The following FOXN3 variants were observed in gnomAD, a reference collection of about 807,000 sequenced individuals.
FOXN3 encodes the protein forkhead box N3.
Under a neutral mutation model 38.4 loss-of-function variants are expected in FOXN3, and 7 were observed. The ratio of observed to expected loss-of-function variants is 0.18; its 90% CI spans 0.10 to 0.34. FOXN3 has a LOEUF of 0.34. Among genes scored for constraint, FOXN3 ranks in the 10% least tolerant of loss-of-function variants. FOXN3 has a pLI of 1.00. For missense variants in FOXN3, 456 were observed against 613.4 expected (o/e 0.74, Z 2.71); for synonymous variants, 230 against 242.2 (o/e 0.95, Z 0.47).
At chr14:89,360,646 A>C (rs2140026754) in intron 2 of FOXN3, among the ~76,000 whole-genome samples, 1 of 151,682 alleles carries the variant, frequency 6.6e-6, no homozygotes, top group South Asian at 2.1e-4. Context: ...GCAAGAGCTG[A>C]TACCCTCACA....
At chr14:89,205,471 T>G (rs1255906546) in intron 4 of FOXN3, among the ~76,000 whole-genome samples, 1 of 152,238 alleles carries the variant, frequency 6.6e-6, no homozygotes, top group Non-Finnish European at 1.5e-5. Context: ...ACTCCCATCG[T>G]GTGCCCACAA....
chr14:89,203,186 A>T (rs1459166206), intron 4 of FOXN3, among the ~76,000 whole-genome samples: 1 of 152,106 alleles, frequency 6.6e-6, no homozygotes, highest in East Asian at 1.9e-4. Flanking sequence ...CCCCAGCAAT[A>T]GGTACTCCAG....
At chr14:89,257,229 C>T (rs1885651986) in intron 4 of FOXN3, among the ~76,000 whole-genome samples, 1 of 152,158 alleles carries the variant, frequency 6.6e-6, no homozygotes, top group Admixed American at 6.5e-5. Flanking sequence ...CCATGAGGCC[C>T]ATGGTGTTTG....
chr14:89,599,703 C>T (rs1473071827), intron 1 of FOXN3, among the ~76,000 whole-genome samples: 1 of 152,070 alleles, frequency 6.6e-6, no homozygotes, highest in Non-Finnish European at 1.5e-5. Flanking sequence ...AATTTTTATT[C>T]TGGCTTCAGG....
intron 2 of FOXN3, among the ~76,000 whole-genome samples, chr14:89,396,557 G>A (rs1159155374): frequency 6.6e-6 from 1 of 152,212 alleles, no homozygotes; most frequent in African/African-American, 2.4e-5. Context: ...ACTGCTGGCT[G>A]GGCACGGTGG....
chr14:89,374,693 C>T (rs1311231941), intron 2 of FOXN3, among the ~76,000 whole-genome samples: 2 of 152,040 alleles, frequency 1.3e-5, no homozygotes, highest in Non-Finnish European at 1.5e-5. Flanking sequence ...CTATTCTTGC[C>T]GGGCGTGGTG....
At chr14:89,209,656 A>G (rs559536821) in intron 4 of FOXN3, among the ~76,000 whole-genome samples, 18 of 152,366 alleles carry the variant, frequency 1.2e-4, no homozygotes, top group Non-Finnish European at 2.4e-4. Context: ...TTTATTCAGA[A>G]AAGCAAAACT....
At chr14:89,558,048 AATAC>A (rs1175146625) in intron 1 of FOXN3, among the ~76,000 whole-genome samples, 1 of 152,204 alleles carries the variant, frequency 6.6e-6, no homozygotes, top group Non-Finnish European at 1.5e-5. Context: ...GTACTAAGCC[AATAC>A]ATAAGGCAAA....
intron 3 of FOXN3, chr14:89,291,242 G>C (rs894798105): frequency 3.9e-5 from 17 of 433,206 alleles, no homozygotes; most frequent in African/African-American, 3.3e-4. Context: ...TACTCCCTCG[G>C]TTTCTCTCTT....
chr14:89,431,072 T>C (rs1892144923), intron 1 of FOXN3, among the ~76,000 whole-genome samples: 1 of 152,256 alleles, frequency 6.6e-6, no homozygotes, highest in African/African-American at 2.4e-5. Context: ...TTCCGTTGTC[T>C]GAAATGCAAA....
intron 1 of FOXN3, among the ~76,000 whole-genome samples, chr14:89,574,399 C>T (rs920218590): frequency 3.9e-5 from 6 of 152,156 alleles, no homozygotes; most frequent in Admixed American, 6.5e-5. Flanking sequence ...TCTTCTCTGG[C>T]GAGGTGGTGA....
chr14:89,527,950 T>C (rs11850379), intron 1 of FOXN3, among the ~76,000 whole-genome samples: 19,980 of 152,054 alleles, frequency 0.13, 1,501 homozygotes, highest in African/African-American at 0.21. Flanking sequence ...GATCCACCTG[T>C]CTAGGCCTCC....
intron 4 of FOXN3, among the ~76,000 whole-genome samples, chr14:89,258,066 T>TAC (rs137929543): frequency 3.7e-4 from 56 of 150,844 alleles, no homozygotes; most frequent in African/African-American, 4.4e-4. Context: ...TCCTTGAGTG[T>TAC]ACACACACAC....
chr14:89,533,439 G>A (rs1596309769), intron 1 of FOXN3, among the ~76,000 whole-genome samples: 1 of 152,096 alleles, frequency 6.6e-6, no homozygotes. Flanking sequence ...CCAGGCGGGC[G>A]GATCACGAAG....
At chr14:89,178,679 T>G (rs1887588327) in intron 5 of FOXN3, among the ~76,000 whole-genome samples, 1 of 152,188 alleles carries the variant, frequency 6.6e-6, no homozygotes, top group Non-Finnish European at 1.5e-5. Flanking sequence ...CATCGGTAGT[T>G]GAAATAACAC....
chr14:89,595,154 A>C (rs1896032479), intron 1 of FOXN3, among the ~76,000 whole-genome samples: 1 of 149,704 alleles, frequency 6.7e-6, no homozygotes, highest in Non-Finnish European at 1.5e-5. Context: ...GTCTCTACTA[A>C]AAATACAAAA....
chr14:89,240,995 T>C (rs1885125038), intron 4 of FOXN3, among the ~76,000 whole-genome samples: 1 of 152,152 alleles, frequency 6.6e-6, no homozygotes, highest in African/African-American at 2.4e-5. Flanking sequence ...CCCACAATAA[T>C]CACTCTTGGA....
At chr14:89,534,568 G>A (rs1022826016) in intron 1 of FOXN3, among the ~76,000 whole-genome samples, 3 of 152,064 alleles carry the variant, frequency 2.0e-5, no homozygotes, top group Non-Finnish European at 4.4e-5. Context: ...AAGTCCCTAC[G>A]GCAAACTGCC....
intron 1 of FOXN3, among the ~76,000 whole-genome samples, chr14:89,432,469 A>G (rs1214569711): frequency 6.6e-6 from 1 of 152,186 alleles, no homozygotes; most frequent in Non-Finnish European, 1.5e-5. Context: ...CAGGCCAGGC[A>G]CCGTGCCAAG....
Sources: gnomAD v4.1 joint callset for allele counts (sites outside exome capture counted in the v4.1 genomes callset) on GRCh38, gnomAD v4.1.1 for gene constraint, MANE v1.5 for transcripts, NCBI Gene and HGNC (gene_info 2026-07-23, HGNC 2026-07-21) for gene names.